The following ERC2 variants were observed in gnomAD, a reference collection of about 807,000 sequenced individuals.
ERC2 encodes ELKS/RAB6-interacting/CAST family member 2.
Under a neutral mutation model 114.8 loss-of-function variants are expected in ERC2, and 42 were observed. That is an observed-to-expected ratio of 0.37 (90% CI 0.29 to 0.47). The LOEUF (loss-of-function observed/expected upper bound fraction) is 0.47. Ranked by LOEUF, ERC2 falls within the 20% of genes least tolerant of loss-of-function variation. The pLI, the probability that ERC2 is intolerant of heterozygous loss-of-function variation, is 0.99. For synonymous variants in ERC2, 454 were observed against 425.5 expected (o/e 1.07, Z -0.82); for missense variants, 939 against 1,150.7 (o/e 0.82, Z 2.66).
chr3:55,695,907 T>A lies in ERC2; in HGVS notation c.2847+3471A>T, dbSNP rs768793349. ...TTAAATTGGGGAGCTTTCTTTCTTATATGACTTTTTAGATCCTTTGATCTA... is the reference window on the plus strand; with the variant it reads ...TTAAATTGGGGAGCTTTCTTTCTTAAATGACTTTTTAGATCCTTTGATCTA... On this transcript the variant is annotated intron_variant, in intron 16 of 17. Coordinates refer to ENST00000288221, the MANE Select transcript of ERC2 (RefSeq NM_015576.3). Among the ~76,000 whole-genome samples, 4 of 152,220 alleles carry A rather than the reference T, an allele frequency of 2.6e-5. No individual in the cohort carries two copies. The South Asian group carries it at 8.3e-4, about 32-fold the overall frequency.
intron 15 of ERC2, among the ~76,000 whole-genome samples, chr3:55,703,318 G>A (rs1189281681): frequency 6.6e-6 from 1 of 152,160 alleles, no homozygotes; most frequent in Non-Finnish European, 1.5e-5. Flanking sequence ...CAGTCTCCTT[G>A]TCCCAGCCTT....
intron 14 of ERC2, among the ~76,000 whole-genome samples, chr3:55,800,599 C>G (rs2070967073): frequency 6.6e-6 from 1 of 152,154 alleles, no homozygotes; most frequent in Non-Finnish European, 1.5e-5. Flanking sequence ...GGTGACTCCA[C>G]ACCTCCCTCG....
chr3:56,246,258 C>G (rs1007468722), intron 3 of ERC2, among the ~76,000 whole-genome samples: 1 of 152,034 alleles, frequency 6.6e-6, no homozygotes, highest in African/African-American at 2.4e-5. Flanking sequence ...ACATTAGAGA[C>G]CAGATAACCG....
intron 2 of ERC2, among the ~76,000 whole-genome samples, chr3:56,426,815 T>C (rs1050104457): frequency 6.6e-6 from 1 of 152,128 alleles, no homozygotes; most frequent in African/African-American, 2.4e-5. Flanking sequence ...GGTTTTGAGA[T>C]GGCTTGTTAC....
At chr3:55,753,561 G>C (rs920792972) in intron 14 of ERC2, among the ~76,000 whole-genome samples, 1 of 152,176 alleles carries the variant, frequency 6.6e-6, no homozygotes, top group African/African-American at 2.4e-5. Flanking sequence ...ACACTAGCTG[G>C]TATGGACACA....
chr3:56,365,264 C>T (rs1412272303), intron 2 of ERC2, among the ~76,000 whole-genome samples: 1 of 152,136 alleles, frequency 6.6e-6, no homozygotes, highest in Admixed American at 6.5e-5. Flanking sequence ...TTTCCTATAT[C>T]TTATCTATAT....
intron 17 of ERC2, among the ~76,000 whole-genome samples, chr3:55,595,792 C>T (rs1041886737): frequency 7.9e-5 from 12 of 152,166 alleles, no homozygotes; most frequent in Admixed American, 5.9e-4. Context: ...GCTTGGAAGC[C>T]GCCATGTTAT....
intron 17 of ERC2, among the ~76,000 whole-genome samples, chr3:55,590,514 A>C (rs1267534218): frequency 6.6e-6 from 1 of 152,236 alleles, no homozygotes; most frequent in Non-Finnish European, 1.5e-5. Flanking sequence ...AAAGGACATA[A>C]CTGAATAAAT....
chr3:56,232,817 A>C (rs2050713683), intron 3 of ERC2, among the ~76,000 whole-genome samples: 1 of 152,180 alleles, frequency 6.6e-6, no homozygotes. Flanking sequence ...TGCACCTTCT[A>C]CACACTAGAA....
intron 6 of ERC2, among the ~76,000 whole-genome samples, chr3:56,102,664 C>A (rs1015787758): frequency 5.9e-4 from 90 of 152,238 alleles, no homozygotes; most frequent in African/African-American, 2.1e-3. Flanking sequence ...ATTCTGTGTC[C>A]TTTCTATTAA....
At chr3:56,326,971 G>C (rs1268192027) in intron 2 of ERC2, among the ~76,000 whole-genome samples, 1 of 152,184 alleles carries the variant, frequency 6.6e-6, no homozygotes, top group Non-Finnish European at 1.5e-5. Flanking sequence ...CTTATATTAA[G>C]AGCTCAAGTA....
intron 14 of ERC2, among the ~76,000 whole-genome samples, chr3:55,770,508 T>C (rs1052367306): frequency 1.3e-5 from 2 of 152,210 alleles, no homozygotes; most frequent in African/African-American, 4.8e-5. Context: ...CCCTTCCCCC[T>C]TTGATGGGCA....
At chr3:55,725,874 C>T (rs900004467) in intron 15 of ERC2, among the ~76,000 whole-genome samples, 2 of 152,182 alleles carry the variant, frequency 1.3e-5, no homozygotes, top group African/African-American at 2.4e-5. Flanking sequence ...AGTGGATTCC[C>T]TGAGTACTGG....
intron 7 of ERC2, among the ~76,000 whole-genome samples, chr3:56,033,034 A>AAC (rs1576638304): frequency 1.2e-3 from 69 of 59,960 alleles, no homozygotes; most frequent in Middle Eastern, 0.011. Flanking sequence ...AAGAAACAGA[A>AAC]AGAAAGAAAG....
At chr3:56,203,496 A>T (rs2048523432) in intron 3 of ERC2, among the ~76,000 whole-genome samples, 1 of 152,186 alleles carries the variant, frequency 6.6e-6, no homozygotes, top group African/African-American at 2.4e-5. Context: ...TTTTACAGCA[A>T]TTTCACTAAA....
At chr3:56,063,856 TAA>T (rs1357026946) in intron 7 of ERC2, among the ~76,000 whole-genome samples, 19 of 152,336 alleles carry the variant, frequency 1.2e-4, no homozygotes, top group African/African-American at 4.3e-4. Context: ...ATACATATTG[TAA>T]AGTTTATTTC....
intron 12 of ERC2, among the ~76,000 whole-genome samples, chr3:55,952,020 C>T (rs1400127698): frequency 1.3e-5 from 2 of 150,602 alleles, no homozygotes; most frequent in African/African-American, 2.4e-5. Context: ...AAAAACAGTC[C>T]GAGGGTGCAG....
intron 6 of ERC2, among the ~76,000 whole-genome samples, chr3:56,117,903 G>T (rs1432300341): frequency 1.3e-5 from 2 of 152,192 alleles, no homozygotes; most frequent in African/African-American, 4.8e-5. Context: ...AAGACACAGG[G>T]GTTTAGAGGT....
intron 2 of ERC2, among the ~76,000 whole-genome samples, chr3:56,386,575 T>G (rs2059941019): frequency 6.6e-6 from 1 of 152,162 alleles, no homozygotes; most frequent in South Asian, 2.1e-4. Flanking sequence ...GTTTTTCTTT[T>G]GTATTTTTGT....
Sources: allele counts gnomAD v4.1 joint callset (sites outside exome capture counted in the v4.1 genomes callset), GRCh38; gene constraint gnomAD v4.1.1; transcripts MANE v1.5; gene names NCBI Gene and HGNC (gene_info 2026-07-23, HGNC 2026-07-21).